The following DCC variants were observed in gnomAD, a reference collection of about 807,000 sequenced individuals.
DCC encodes netrin receptor DCC.
DCC carries 58 observed loss-of-function variants against 172.5 expected under a neutral mutation model. That is an observed-to-expected ratio of 0.34 (90% CI 0.27 to 0.42). The LOEUF is 0.42. DCC is among the 10% of genes least tolerant of loss of function. DCC has a pLI of 1.00. For missense variants in DCC, 1,740 were observed against 1,791.0 expected, an observed-to-expected ratio of 0.97 and a Z score of 0.51; for synonymous variants, 709 against 644.5, an observed-to-expected ratio of 1.10 and a Z score of -1.52.
chr18:52,973,788 A>G (rs2145591177), intron 5 of DCC, among the ~76,000 whole-genome samples: 1 of 152,346 alleles, frequency 6.6e-6, no homozygotes, highest in South Asian at 2.1e-4. Flanking sequence ...CTAGACCTTC[A>G]GGATACTTTT....
At chr18:52,427,346 C>G (rs1273921648) in intron 1 of DCC, among the ~76,000 whole-genome samples, 1 of 151,876 alleles carries the variant, frequency 6.6e-6, no homozygotes, top group Non-Finnish European at 1.5e-5. Context: ...TCTGTTAACT[C>G]TATGATCACT....
At chr18:52,523,708 T>A (rs2031891817) in intron 1 of DCC, among the ~76,000 whole-genome samples, 1 of 152,194 alleles carries the variant, frequency 6.6e-6, no homozygotes, top group African/African-American at 2.4e-5. Context: ...CTGTTGCAAA[T>A]TGTGAATTAT....
chr18:53,529,206 C>G (rs1016582676), intron 28 of DCC, among the ~76,000 whole-genome samples: 3 of 152,118 alleles, frequency 2.0e-5, no homozygotes, highest in Non-Finnish European at 4.4e-5. Context: ...CTATAGGAAG[C>G]TCATACATTA....
intron 9 of DCC, among the ~76,000 whole-genome samples, chr18:53,182,642 A>G (rs72921502): frequency 6.6e-5 from 10 of 152,190 alleles, no homozygotes; most frequent in African/African-American, 2.4e-4. Context: ...TGTGTATTTT[A>G]TCTTCTGTTG....
intron 1 of DCC, among the ~76,000 whole-genome samples, chr18:52,644,920 T>C (rs559839959): frequency 4.0e-5 from 6 of 151,484 alleles, no homozygotes; most frequent in African/African-American, 1.5e-4. Flanking sequence ...AAAAAGTATA[T>C]TCATTAGCAT....
At chr18:52,413,038 T>C (rs1986893941) in intron 1 of DCC, among the ~76,000 whole-genome samples, 1 of 152,088 alleles carries the variant, frequency 6.6e-6, no homozygotes, top group Non-Finnish European at 1.5e-5. Flanking sequence ...GATTGCATTA[T>C]TTGACATTTA....
At chr18:52,669,064 T>G (rs1324821403) in intron 1 of DCC, among the ~76,000 whole-genome samples, 2 of 152,034 alleles carry the variant, frequency 1.3e-5, no homozygotes, top group African/African-American at 2.4e-5. Flanking sequence ...GGATCAGAGT[T>G]TTTAAGGATG....
At chr18:52,411,944 A>G (rs1273979832) in intron 1 of DCC, among the ~76,000 whole-genome samples, 2 of 152,076 alleles carry the variant, frequency 1.3e-5, no homozygotes, top group Non-Finnish European at 2.9e-5. Flanking sequence ...CCCACGTTCA[A>G]AGTGCCTCAT....
chr18:53,047,258 A>AATTT (rs1307399629), intron 5 of DCC, among the ~76,000 whole-genome samples: 1 of 13,276 alleles, frequency 7.5e-5, no homozygotes, highest in African/African-American at 7.3e-4. Flanking sequence ...ATATATATAT[A>AATTT]TATATATATA....
At chr18:52,677,719 C>A (rs1388637114) in intron 1 of DCC, among the ~76,000 whole-genome samples, 3 of 151,890 alleles carry the variant, frequency 2.0e-5, no homozygotes, top group Non-Finnish European at 4.4e-5. Context: ...TGCTTTCTGA[C>A]AAAATAGAGA....
chr18:53,141,663 C>A (rs2043832372), intron 7 of DCC, among the ~76,000 whole-genome samples: 1 of 152,186 alleles, frequency 6.6e-6, no homozygotes, highest in African/African-American at 2.4e-5. Flanking sequence ...ACATTCCTTT[C>A]ATCAGAGTCA....
At chr18:52,753,815 C>T (rs1446123745) in intron 2 of DCC, among the ~76,000 whole-genome samples, 1 of 152,156 alleles carries the variant, frequency 6.6e-6, no homozygotes, top group Non-Finnish European at 1.5e-5. Flanking sequence ...ATAATTATTT[C>T]TGTTGGCCCC....
intron 7 of DCC, among the ~76,000 whole-genome samples, chr18:53,102,730 C>T (rs1403175185): frequency 6.6e-6 from 1 of 152,094 alleles, no homozygotes; most frequent in Non-Finnish European, 1.5e-5. Flanking sequence ...TTCCTGTACA[C>T]TTTAACCTAT....
At chr18:52,516,170 G>A (rs1409616326) in intron 1 of DCC, among the ~76,000 whole-genome samples, 1 of 152,024 alleles carries the variant, frequency 6.6e-6, no homozygotes, top group Admixed American at 6.5e-5. Flanking sequence ...CAGCCACTCT[G>A]AAAAACAGTT....
intron 1 of DCC, among the ~76,000 whole-genome samples, chr18:52,618,768 C>T (rs1474171707): frequency 6.6e-6 from 1 of 152,094 alleles, no homozygotes; most frequent in Non-Finnish European, 1.5e-5. Context: ...ATTGCTTTAC[C>T]TTCTTTTCAG....
intron 1 of DCC, among the ~76,000 whole-genome samples, chr18:52,369,518 G>A (rs8083290): frequency 0.05 from 7,521 of 151,924 alleles, 599 homozygotes; most frequent in African/African-American, 0.17. Flanking sequence ...AGGCAGCCCC[G>A]GGGATCATGC....
intron 16 of DCC, among the ~76,000 whole-genome samples, chr18:53,389,716 CT>C (rs1908419710): frequency 6.6e-6 from 1 of 152,142 alleles, no homozygotes; most frequent in Non-Finnish European, 1.5e-5. Flanking sequence ...ACCCAACACC[CT>C]TGCTTGAAAT....
chr18:52,796,518 T>G (rs558205165), intron 2 of DCC, among the ~76,000 whole-genome samples: 1 of 152,314 alleles, frequency 6.6e-6, no homozygotes, highest in East Asian at 1.9e-4. Flanking sequence ...GGTGACAAAT[T>G]GCTTCAGCTT....
intron 2 of DCC, among the ~76,000 whole-genome samples, chr18:52,786,595 A>T (rs77570551): frequency 0.034 from 5,163 of 152,222 alleles, 124 homozygotes; most frequent in Admixed American, 0.048. Flanking sequence ...GCTTAGATGG[A>T]ACTCAGTTCC....
Sources: gnomAD v4.1 joint callset for allele counts (sites outside exome capture counted in the v4.1 genomes callset) on GRCh38, gnomAD v4.1.1 for gene constraint, MANE v1.5 for transcripts, NCBI Gene and HGNC (gene_info 2026-07-23, HGNC 2026-07-21) for gene names.